The following STRBP variants were observed in gnomAD, a reference collection of about 807,000 sequenced individuals.
The protein encoded by STRBP is spermatid perinuclear RNA-binding protein.
A neutral mutation model predicts 80.1 loss-of-function variants in STRBP; 13 were observed. The ratio of observed to expected loss-of-function variants is 0.16; its 90% CI spans 0.11 to 0.26. The LOEUF (loss-of-function observed/expected upper bound fraction) is 0.26, where lower values mean the gene tolerates loss of function less well. Among genes scored for constraint, STRBP ranks in the 10% least tolerant of loss-of-function variants. The pLI is 1.00. For synonymous variants in STRBP, 284 were observed against 291.2 expected (o/e 0.98, Z 0.25); for missense variants, 485 against 815.2 (o/e 0.59, Z 4.93).
At chr9:123,179,358 G>A in intron 3 of STRBP, 131 bp from the exon 4 acceptor site, 1 of 725,394 alleles carries the variant, frequency 1.4e-6, no homozygotes, top group Non-Finnish European at 2.2e-6. Flanking sequence ...ACTGAAACAA[G>A]AAAAAACTGC....
chr9:123,258,800 CAA>C (rs56654612), intron 1 of STRBP, among the ~76,000 whole-genome samples: 36,086 of 101,320 alleles, frequency 0.36, 8,659 homozygotes, highest in African/African-American at 0.75. Context: ...GACTCCGTCT[CAA>C]AAAAAAAAAA....
intron 12 of STRBP, 70 bp downstream of exon 12, chr9:123,147,708 T>G: frequency 9.1e-7 from 1 of 1,104,326 alleles, no homozygotes; most frequent in Non-Finnish European, 1.3e-6. Context: ...AACCCTTCAC[T>G]TTTAATTTTT....
At chr9:123,223,108 C>T (rs1447598866) in intron 2 of STRBP, among the ~76,000 whole-genome samples, 2 of 151,016 alleles carry the variant, frequency 1.3e-5, no homozygotes, top group East Asian at 3.9e-4. Context: ...AAAATGAGCT[C>T]ATCTAAAAAA....
intron 6 of STRBP, among the ~76,000 whole-genome samples, chr9:123,163,885 T>A (rs2037635099): frequency 6.6e-6 from 1 of 152,158 alleles, no homozygotes; most frequent in Non-Finnish European, 1.5e-5. Flanking sequence ...TGATAACACA[T>A]CTTGGAGTTC....
chr9:123,204,938 A>G (rs940372109), intron 2 of STRBP, among the ~76,000 whole-genome samples: 76 of 149,626 alleles, frequency 5.1e-4, no homozygotes, highest in East Asian at 1.8e-3. Context: ...AAAAAAAAAA[A>G]AAAGAAAGAA....
chr9:123,160,237 C>T, intron 8 of STRBP, 130 bp downstream of exon 8: 1 of 512,298 alleles, frequency 2.0e-6, no homozygotes, highest in South Asian at 6.0e-5. Context: ...ATTTTTTTTT[C>T]ATGGCAAACA....
intron 2 of STRBP, among the ~76,000 whole-genome samples, chr9:123,204,046 T>A (rs2039426193): frequency 1.3e-5 from 2 of 152,154 alleles, no homozygotes; most frequent in African/African-American, 4.8e-5. Flanking sequence ...CCAAAGCACA[T>A]CTGTTTTATT....
chr9:123,238,554 A>G (rs2040620724), intron 1 of STRBP, among the ~76,000 whole-genome samples: 2 of 152,256 alleles, frequency 1.3e-5, no homozygotes, highest in Admixed American at 1.3e-4. Flanking sequence ...AGAGAACAGT[A>G]CATTGTACTA....
At chr9:123,178,895 C>A in intron 4 of STRBP, 112 bp downstream of exon 4, 2 of 895,460 alleles carry the variant, frequency 2.2e-6, no homozygotes, top group Non-Finnish European at 3.5e-6. Context: ...TATAGTCTCA[C>A]ATATGCATAA....
At chr9:123,166,496 T>G (rs2037763539) in intron 6 of STRBP, among the ~76,000 whole-genome samples, 1 of 152,070 alleles carries the variant, frequency 6.6e-6, no homozygotes, top group Non-Finnish European at 1.5e-5. Flanking sequence ...GGGCACTGGC[T>G]CACACCTAGC....
At chr9:123,257,162 C>A (rs972944435) in intron 1 of STRBP, among the ~76,000 whole-genome samples, 1 of 152,054 alleles carries the variant, frequency 6.6e-6, no homozygotes, top group Non-Finnish European at 1.5e-5. Context: ...TATATCGTAT[C>A]GTCAACAAAA....
intron 1 of STRBP, among the ~76,000 whole-genome samples, chr9:123,268,228 GC>G (rs1054981069): frequency 6.6e-6 from 1 of 151,630 alleles, no homozygotes; most frequent in African/African-American, 2.4e-5. Flanking sequence ...CGCAGCGGCG[GC>G]GGCGGCGGCC....
chr9:123,263,071 A>C (rs931813069), intron 1 of STRBP, among the ~76,000 whole-genome samples: 1 of 152,234 alleles, frequency 6.6e-6, no homozygotes, highest in Non-Finnish European at 1.5e-5. Context: ...TTCTGTAGCT[A>C]AACGAATTTT....
intron 2 of STRBP, among the ~76,000 whole-genome samples, chr9:123,217,876 T>C (rs2039945940): frequency 6.6e-6 from 1 of 152,242 alleles, no homozygotes; most frequent in Admixed American, 6.5e-5. Flanking sequence ...GAGCCTTCAC[T>C]TAAATGCATT....
At chr9:123,197,675 T>TC (rs1423216429) in intron 2 of STRBP, among the ~76,000 whole-genome samples, 3 of 135,956 alleles carry the variant, frequency 2.2e-5, no homozygotes, top group Non-Finnish European at 3.2e-5. Context: ...TTCTTTTTTT[T>TC]TTTTTTTTTT....
intron 1 of STRBP, among the ~76,000 whole-genome samples, chr9:123,251,980 T>G (rs773508696): frequency 3.9e-5 from 6 of 152,110 alleles, no homozygotes; most frequent in Non-Finnish European, 7.4e-5. Context: ...TGAAAGGGAT[T>G]GCTATAAGGG....
intron 2 of STRBP, among the ~76,000 whole-genome samples, chr9:123,200,734 A>AGTTTTTTTT (rs2039290027): frequency 2.7e-5 from 1 of 37,512 alleles, no homozygotes; most frequent in Admixed American, 5.5e-4. Context: ...CACCCCGCTA[A>AGTTTTTTTT]TTTTTTTTTT....
chr9:123,212,460 T>C (rs558325061), intron 2 of STRBP: 1 of 152,280 alleles, frequency 6.6e-6, no homozygotes, highest in South Asian at 2.1e-4. Context: ...ACTATCCAAC[T>C]ATTTGGATAA....
chr9:123,227,855 G>A (rs1205506420), intron 2 of STRBP, among the ~76,000 whole-genome samples: 4 of 152,086 alleles, frequency 2.6e-5, no homozygotes, highest in South Asian at 2.1e-4. Flanking sequence ...CACTGCACCC[G>A]GCCTGATCTG....
Sources: allele counts gnomAD v4.1 joint callset (sites outside exome capture counted in the v4.1 genomes callset), GRCh38; gene constraint gnomAD v4.1.1; transcripts MANE v1.5; gene names NCBI Gene and HGNC (gene_info 2026-07-23, HGNC 2026-07-21).